Variants in ASTN2 observed in about 807,000 individuals in gnomAD.
ASTN2 encodes astrotactin-2.
A neutral mutation model predicts 139.8 loss-of-function variants in ASTN2; 54 were observed. That is an observed-to-expected ratio of 0.39 (90% CI 0.31 to 0.48). The LOEUF is 0.48. ASTN2 is among the 20% of genes least tolerant of loss of function. ASTN2 has a pLI of 0.95. For synonymous variants in ASTN2, 756 were observed against 719.5 expected, an observed-to-expected ratio of 1.05 and a Z score of -0.81; for missense variants, 1,565 against 1,725.1, an observed-to-expected ratio of 0.91 and a Z score of 1.64.
chr9:117,111,305 T>C (rs1328033600), intron 4 of ASTN2, among the ~76,000 whole-genome samples: 4 of 152,084 alleles, frequency 2.6e-5, no homozygotes, highest in Non-Finnish European at 5.9e-5. Flanking sequence ...TTAACAGCAA[T>C]AGCTGTGATC....
intron 19 of ASTN2, among the ~76,000 whole-genome samples, chr9:116,502,626 C>G (rs865870884): frequency 6.8e-6 from 1 of 147,288 alleles, no homozygotes; most frequent in Non-Finnish European, 1.5e-5. Flanking sequence ...CAGAGAAAAT[C>G]GGGGTCAGAA....
At chr9:116,525,831 G>A (rs1410164801) in intron 19 of ASTN2, among the ~76,000 whole-genome samples, 1 of 152,090 alleles carries the variant, frequency 6.6e-6, no homozygotes, top group Non-Finnish European at 1.5e-5. Flanking sequence ...GCTCTTTACA[G>A]TCACCCTAAA....
At chr9:116,447,421 C>A (rs1211535393) in intron 20 of ASTN2, among the ~76,000 whole-genome samples, 1 of 152,134 alleles carries the variant, frequency 6.6e-6, no homozygotes, top group African/African-American at 2.4e-5. Flanking sequence ...AACACCTACA[C>A]CTGGTGCACC....
At chr9:116,939,814 T>C (rs1835176898) in intron 10 of ASTN2, among the ~76,000 whole-genome samples, 1 of 152,016 alleles carries the variant, frequency 6.6e-6, no homozygotes, top group Non-Finnish European at 1.5e-5. Flanking sequence ...AACAAATACG[T>C]CATGGGCTGC....
At chr9:116,855,622 C>T (rs772822160) in intron 11 of ASTN2, among the ~76,000 whole-genome samples, 1 of 152,160 alleles carries the variant, frequency 6.6e-6, no homozygotes, top group Non-Finnish European at 1.5e-5. Context: ...ACATTGGGGA[C>T]ATTCGCCTTA....
chr9:116,824,113 T>C (rs888178663), intron 11 of ASTN2, among the ~76,000 whole-genome samples: 4 of 152,174 alleles, frequency 2.6e-5, no homozygotes, highest in African/African-American at 9.7e-5. Flanking sequence ...ACTTTGGATC[T>C]GAATCCACAC....
At position 116,947,875 on chromosome 9, in the gene ASTN2, C is replaced by T. The variant is rs116477684; in HGVS notation, c.1889+27333G>A. ...GTTTTGCTGAATGTCCTAATAATGT[C>T]CTTTAGGGAAAACTATTCAGGTCAG... On this transcript the variant is annotated intron_variant, in intron 10 of 22. Coordinates refer to ENST00000313400, the MANE Select transcript of ASTN2 (RefSeq NM_001365068.1). Among the ~76,000 whole-genome samples the T allele has an allele frequency of 4.8e-3, 736 of 152,318 alleles. 8 individuals carry two copies. Among genetic ancestry groups the T allele is most frequent in the African/African-American group, 0.017 (716 of 41,560 alleles).
chr9:117,300,826 A>T (rs1409828272), intron 1 of ASTN2, among the ~76,000 whole-genome samples: 1 of 151,892 alleles, frequency 6.6e-6, no homozygotes, highest in Admixed American at 6.6e-5. Flanking sequence ...AAAGAATGGT[A>T]CTCTTCAAAT....
At chr9:116,664,018 A>G (rs779581819) in intron 16 of ASTN2, among the ~76,000 whole-genome samples, 6 of 152,146 alleles carry the variant, frequency 3.9e-5, no homozygotes, top group Non-Finnish European at 7.3e-5. Context: ...TGAATATTCA[A>G]TTTCTGTTGC....
At chr9:116,603,933 T>C (rs746296835) in intron 19 of ASTN2, among the ~76,000 whole-genome samples, 2 of 152,100 alleles carry the variant, frequency 1.3e-5, no homozygotes, top group Non-Finnish European at 2.9e-5. Flanking sequence ...ATCCATATAA[T>C]TAATTAGTGG....
At chr9:116,453,901 T>C (rs1848250491) in intron 20 of ASTN2, among the ~76,000 whole-genome samples, 1 of 152,216 alleles carries the variant, frequency 6.6e-6, no homozygotes. Context: ...CTTTTGATCA[T>C]AGTTAAGAAA....
chr9:116,676,393 G>T (rs1427270927), intron 16 of ASTN2, among the ~76,000 whole-genome samples: 1 of 152,152 alleles, frequency 6.6e-6, no homozygotes, highest in Non-Finnish European at 1.5e-5. Context: ...TGGAGAGAGG[G>T]GTATCACAGG....
At chr9:116,803,522 A>ATATATATATATATATTT (rs1554748694) in intron 13 of ASTN2, among the ~76,000 whole-genome samples, 2 of 21,146 alleles carry the variant, frequency 9.5e-5, no homozygotes, top group Non-Finnish European at 1.6e-4. Context: ...ATATATATAT[A>ATATATATATATATATTT]TTTTTTTTTT....
intron 10 of ASTN2, among the ~76,000 whole-genome samples, chr9:116,941,764 ACTTT>A (rs1419427603): frequency 6.6e-6 from 1 of 152,092 alleles, no homozygotes; most frequent in African/African-American, 2.4e-5. Flanking sequence ...CAAACTACAG[ACTTT>A]CTTTGGAGGC....
chr9:116,725,763 G>A lies in ASTN2; in HGVS notation c.2806+8C>T, dbSNP rs574409013. On this transcript the variant is annotated splice_region_variant and intron_variant, in intron 16 of 22. Coordinates refer to ENST00000313400, the MANE Select transcript of ASTN2 (RefSeq NM_001365068.1). ...GGCCACCTCCTACAGTAGGCACTCC[G>A]GGCTTACCTTTCTGATACTGGAGCC... 1.3e-4 allele frequency: 212 copies of A among 1,611,686 alleles called. No individual in the cohort carries two copies. The highest frequency in any genetic ancestry group is 1.9e-4 in the Middle Eastern group (1 of 5,368).
intron 1 of ASTN2, among the ~76,000 whole-genome samples, chr9:117,322,314 G>A (rs773543663): frequency 7.2e-5 from 11 of 152,236 alleles, no homozygotes; most frequent in East Asian, 1.9e-4. Context: ...TCTTAACACC[G>A]TGCCCTAGCA....
intron 10 of ASTN2, among the ~76,000 whole-genome samples, chr9:116,965,454 T>C (rs776206896): frequency 5.8e-4 from 88 of 152,280 alleles, no homozygotes; most frequent in African/African-American, 2.0e-3. Flanking sequence ...GAACTATTTC[T>C]CCCTGGTGGT....
intron 1 of ASTN2, among the ~76,000 whole-genome samples, chr9:117,292,903 A>T (rs1416278478): frequency 6.6e-6 from 1 of 152,146 alleles, no homozygotes; most frequent in East Asian, 1.9e-4. Context: ...AACTATTCTT[A>T]TATCATCAAT....
At chr9:116,783,673 T>C (rs62575382) in intron 13 of ASTN2, among the ~76,000 whole-genome samples, 406 of 152,214 alleles carry the variant, frequency 2.7e-3, no homozygotes, top group Non-Finnish European at 3.5e-3. Flanking sequence ...CAATTTCAGG[T>C]CTGCCAGAGT....
Sources: gnomAD v4.1 joint callset for allele counts (sites outside exome capture counted in the v4.1 genomes callset) on GRCh38, gnomAD v4.1.1 for gene constraint, MANE v1.5 for transcripts, NCBI Gene and HGNC (gene_info 2026-07-23, HGNC 2026-07-21) for gene names.